The following TP63 variants were observed in gnomAD, a reference collection of about 807,000 sequenced individuals.
TP63 encodes tumor protein 63.
Under a neutral mutation model 82.8 loss-of-function variants are expected in TP63, and 17 were observed. The ratio of observed to expected loss-of-function variants is 0.21; its 90% confidence interval spans 0.14 to 0.31. The LOEUF is 0.31. Among genes scored for constraint, TP63 ranks in the 10% least tolerant of loss-of-function variants. TP63 has a pLI of 1.00. For missense variants in TP63, 648 were observed against 895.3 expected, an observed-to-expected ratio of 0.72 and a Z score of 3.52; for synonymous variants, 330 against 321.7, an observed-to-expected ratio of 1.03 and a Z score of -0.28.
chr3:189,880,269 C>A, intron 10 of TP63: 1 of 1,414,894 alleles, frequency 7.1e-7, no homozygotes, highest in Non-Finnish European at 9.3e-7. Context: ...GTGTATCTAG[C>A]CCTCATAAAC....
Position 189,894,883 on chromosome 3 carries a change from G to A in TP63, c.*381G>A. The stretch of plus-strand genomic sequence containing the variant: ...TATAGATTTTTGGGTGGGGGGCATT[G>A]AGTATTGTTTAAAATGTAATTTAAA... On this transcript the variant is annotated 3_prime_UTR_variant, in exon 14 of 14. Transcript: ENST00000264731. The A allele has an allele frequency of 8.6e-6, 2 of 231,890 alleles. No individual in the cohort carries two copies. Among genetic ancestry groups the A allele is most frequent in the Non-Finnish European group, 1.7e-5 (2 of 116,524 alleles). The allele number at this position is 231,890 out of a possible 1,614,324, so 14.4% of individuals were successfully genotyped here.
intron 1 of TP63, among the ~76,000 whole-genome samples, chr3:189,674,403 T>A (rs958204165): frequency 2.6e-5 from 4 of 152,034 alleles, no homozygotes; most frequent in Non-Finnish European, 5.9e-5. Flanking sequence ...ACTTTGGTCC[T>A]GGTAATTTAT....
chr3:189,739,829 C>G (rs1355569146), intron 3 of TP63, among the ~76,000 whole-genome samples: 1 of 147,262 alleles, frequency 6.8e-6, no homozygotes, highest in African/African-American at 2.5e-5. Context: ...ACAAGTCCTG[C>G]TATCTTTTCT....
chr3:189,701,382 A>C (rs978335795), intron 1 of TP63, among the ~76,000 whole-genome samples: 2 of 151,986 alleles, frequency 1.3e-5, no homozygotes, highest in Non-Finnish European at 2.9e-5. Context: ...AAGGGATTAC[A>C]GTAGTTATTT....
intron 3 of TP63, among the ~76,000 whole-genome samples, chr3:189,777,055 A>G (rs1254379742): frequency 1.3e-5 from 2 of 152,150 alleles, no homozygotes; most frequent in Non-Finnish European, 2.9e-5. Flanking sequence ...GCTGAAGTAT[A>G]TTTCTCATAT....
chr3:189,894,633 G>GT lies in TP63; in HGVS notation c.*132dup. ...GTCTGATTTCTTAGGGGAAGGAGAA[G>GT]TAAGAGGCTACCTCTTACCTAACAT... On this transcript the variant is annotated 3_prime_UTR_variant, in exon 14 of 14. Transcript: ENST00000264731. The GT allele has an allele frequency of 8.7e-7, 1 of 1,143,302 alleles. No individual in the cohort carries two copies. Among genetic ancestry groups the GT allele is most frequent in the Non-Finnish European group, 1.2e-6 (1 of 802,292 alleles). The allele number at this position is 1,143,302 out of a possible 1,614,324, so 70.8% of individuals were successfully genotyped here.
At chr3:189,676,358 G>C (rs1212939430) in intron 1 of TP63, among the ~76,000 whole-genome samples, 1 of 152,014 alleles carries the variant, frequency 6.6e-6, no homozygotes, top group Non-Finnish European at 1.5e-5. Flanking sequence ...GCTACTCTCT[G>C]TTCCTATTAT....
upstream of TP63, among the ~76,000 whole-genome samples, chr3:189,630,666 A>C (rs941544166): frequency 5.3e-5 from 8 of 152,260 alleles, no homozygotes; most frequent in African/African-American, 1.9e-4. Context: ...AATATCTTTA[A>C]GAAAATTACT....
At chr3:189,690,046 T>C (rs1183971503) in intron 1 of TP63, among the ~76,000 whole-genome samples, 1 of 152,192 alleles carries the variant, frequency 6.6e-6, no homozygotes, top group Non-Finnish European at 1.5e-5. Flanking sequence ...TCCCAAACAA[T>C]TAAATTTTTG....
intron 4 of TP63, among the ~76,000 whole-genome samples, chr3:189,820,234 A>G (rs1728663105): frequency 6.6e-6 from 1 of 152,236 alleles, no homozygotes; most frequent in African/African-American, 2.4e-5. Flanking sequence ...GGGGACAAGA[A>G]AATGACTCAC....
At chr3:189,753,700 T>G (rs62279908) in intron 3 of TP63, among the ~76,000 whole-genome samples, 1 of 152,026 alleles carries the variant, frequency 6.6e-6, no homozygotes, top group Non-Finnish European at 1.5e-5. Context: ...GGACTACCAT[T>G]TATTAGTTTT....
At chr3:189,597,582 A>G in the TP63 span, among the ~76,000 whole-genome samples, 94 of 152,364 alleles carry the variant, frequency 6.2e-4, no homozygotes, top group African/African-American at 2.0e-3. Flanking sequence ...TAGATAATTG[A>G]AACAGATTCA....
chr3:189,775,510 G>A (rs1282760209), intron 3 of TP63, among the ~76,000 whole-genome samples: 1 of 152,034 alleles, frequency 6.6e-6, no homozygotes, highest in East Asian at 1.9e-4. Flanking sequence ...TTTTCACTTA[G>A]TTTTGTCTTT....
intron 1 of TP63, among the ~76,000 whole-genome samples, chr3:189,677,894 T>C (rs753348432): frequency 6.6e-6 from 1 of 152,132 alleles, no homozygotes; most frequent in Non-Finnish European, 1.5e-5. Flanking sequence ...TCTGTGTATC[T>C]TCTGAAACGT....
At chr3:189,689,412 A>C (rs933183653) in intron 1 of TP63, among the ~76,000 whole-genome samples, 1 of 152,000 alleles carries the variant, frequency 6.6e-6, no homozygotes, top group African/African-American at 2.4e-5. Flanking sequence ...CACCATGCCC[A>C]GCCCAAATCT....
At chr3:189,676,769 C>T (rs926034560) in intron 1 of TP63, among the ~76,000 whole-genome samples, 8 of 152,148 alleles carry the variant, frequency 5.3e-5, no homozygotes, top group Middle Eastern at 3.4e-3. Context: ...AACTGGACCA[C>T]ATAGCAGAGA....
chr3:189,811,458 A>G (rs1245571058), intron 4 of TP63, among the ~76,000 whole-genome samples: 7 of 152,162 alleles, frequency 4.6e-5, no homozygotes, highest in African/African-American at 7.2e-5. Flanking sequence ...TTTCTTGTTC[A>G]CAACCAGGCT....
chr3:189,622,636 G>A, the TP63 span, among the ~76,000 whole-genome samples: 6 of 152,154 alleles, frequency 3.9e-5, no homozygotes, highest in African/African-American at 7.2e-5. Context: ...CCTAAATCCC[G>A]TCTCAACACC....
At chr3:189,837,018 C>A (rs1274759782) in intron 4 of TP63, among the ~76,000 whole-genome samples, 1 of 152,144 alleles carries the variant, frequency 6.6e-6, no homozygotes, top group Non-Finnish European at 1.5e-5. Context: ...TGAGATTATA[C>A]CTCAGTTTGG....
Sources: allele counts gnomAD v4.1 joint callset (sites outside exome capture counted in the v4.1 genomes callset), GRCh38; gene constraint gnomAD v4.1.1; transcripts MANE v1.5; gene names NCBI Gene and HGNC (gene_info 2026-07-23, HGNC 2026-07-21).